The following DNASE1L3 variants were observed in gnomAD, a reference collection of about 807,000 sequenced individuals.
The protein encoded by DNASE1L3 is deoxyribonuclease 1L3.
Under a neutral mutation model 30.9 loss-of-function variants are expected in DNASE1L3, and 27 were observed. The observed-to-expected ratio is 0.87, with a 90% CI of 0.64 to 1.20. DNASE1L3 has a LOEUF of 1.20. DNASE1L3 is among the 50% of genes most tolerant of loss of function. DNASE1L3 has a pLI of 0.00. For missense variants in DNASE1L3, 364 were observed against 378.2 expected (o/e 0.96, Z 0.31); for synonymous variants, 135 against 138.0 (o/e 0.98, Z 0.15).
chr3:58,199,191 T>C (rs1317403621), intron 5 of DNASE1L3, among the ~76,000 whole-genome samples: 1 of 152,240 alleles, frequency 6.6e-6, no homozygotes, highest in Non-Finnish European at 1.5e-5. Context: ...CTTCTGCTAA[T>C]ATAGACATGA....
intron 1 of DNASE1L3, among the ~76,000 whole-genome samples, chr3:58,209,647 A>G (rs1878014): frequency 0.28 from 43,086 of 152,092 alleles, 6,694 homozygotes; most frequent in East Asian, 0.63. Flanking sequence ...CTGGCTCATG[A>G]ATACCCACCT....
At chr3:58,193,075 C>CTTT (rs11289117) in intron 7 of DNASE1L3, 336 of 1,272,602 alleles carry the variant, frequency 2.6e-4, no homozygotes, top group South Asian at 1.1e-3. Flanking sequence ...ATCAACCCAT[C>CTTT]TTTTTTTTTT....
At position 58,193,158 on chromosome 3, in the gene DNASE1L3, C is replaced by A. The variant is rs767406923; in HGVS notation, c.801+185G>T. The A allele has an allele frequency of 5.6e-6, 8 of 1,435,764 alleles. No homozygotes were observed. In the Middle Eastern group the frequency reaches 7.2e-4, roughly 129 times the overall value. The allele number at this position is 1,435,764 out of a possible 1,614,324, so 88.9% of individuals were successfully genotyped here. A position where few individuals can be genotyped will look rare whatever the true frequency, so the allele number is the denominator to read the frequency against. ...GTGGTGCGATCTTGGCTCACTGCAA[C>A]CTCCGCTTCCTGGACTCAAGTGATC... On this transcript the variant is annotated intron_variant, in intron 7 of 7. Coordinates refer to ENST00000394549, the MANE Select transcript of DNASE1L3 (RefSeq NM_004944.4).
intron 1 of DNASE1L3, among the ~76,000 whole-genome samples, chr3:58,210,230 AAAAGGAAGAAAGAAAAAG>A (rs1235478307): frequency 1.6e-4 from 20 of 128,202 alleles, no homozygotes; most frequent in South Asian, 5.0e-4. Flanking sequence ...GGAAGAAAGA[AAAAGGAAGAAAGAAAAAG>A]AAAGAAAGAA....
intron 4 of DNASE1L3, among the ~76,000 whole-genome samples, chr3:58,204,365 TC>T (rs1252553943): frequency 6.6e-6 from 1 of 152,086 alleles, no homozygotes; most frequent in Non-Finnish European, 1.5e-5. Context: ...GGTCTCAAGT[TC>T]CTGACCTCAG....
Position 58,200,955 on chromosome 3 carries a change from G to T in DNASE1L3, c.546+42C>A. On this transcript the variant is annotated intron_variant, in intron 5 of 7. Coordinates refer to ENST00000394549, the MANE Select transcript of DNASE1L3 (RefSeq NM_004944.4). This position sits in a 1 kb window ranked among gnomAD's most constrained non-coding sequence, Gnocchi z 4.2. Reference sequence around the variant, plus strand: ...TCATCCCACTCAGGGACCAGAGCCTGCCCCTGCTAGATGGGAATTCGTCTG... The same window carrying T: ...TCATCCCACTCAGGGACCAGAGCCTTCCCCTGCTAGATGGGAATTCGTCTG... The T allele has an allele frequency of 6.4e-7, 1 of 1,551,098 alleles. No individual in the cohort carries two copies. Among genetic ancestry groups the T allele is most frequent in the Non-Finnish European group, 8.9e-7 (1 of 1,128,902 alleles).
In DNASE1L3 at chr3:58,195,764, C is replaced by T. The variant is rs375891638; in HGVS notation, c.704+2057G>A. Among the ~76,000 whole-genome samples the T allele has an allele frequency of 1.5e-3, 229 of 151,504 alleles. 8 individuals are homozygous for T. The South Asian group carries it at 0.043, about 29-fold the overall frequency. ...TCCTGCCACTGCACTCCAGCCTGGG[C>T]GACAGAGCAGGACTCTGTCTCAAAA... On this transcript the variant is annotated intron_variant, in intron 6 of 7. Coordinates refer to ENST00000394549, the MANE Select transcript of DNASE1L3 (RefSeq NM_004944.4).
chr3:58,198,035 C>T (rs2097398464), intron 5 of DNASE1L3, 57 bp from the exon 6 acceptor site: 2 of 1,551,814 alleles, frequency 1.3e-6, no homozygotes, highest in Admixed American at 1.8e-5. Flanking sequence ...AATGCTTTCA[C>T]ACTGGACTCT....
intron 5 of DNASE1L3, 146 bp from the exon 6 acceptor site, chr3:58,198,124 C>G: frequency 1.1e-6 from 1 of 912,014 alleles, no homozygotes; most frequent in African/African-American, 1.7e-5. Flanking sequence ...CTGCTCCCGC[C>G]CCGGCCAAAT....
At chr3:58,210,264 GAAAGAAAGA>G (rs1435692424) in intron 1 of DNASE1L3, among the ~76,000 whole-genome samples, 2 of 151,312 alleles carry the variant, frequency 1.3e-5, no homozygotes, top group Admixed American at 6.6e-5. Flanking sequence ...AAGAAAGAGA[GAAAGAAAGA>G]AAAGAAAGAA....
rs2097399680 is a variant in DNASE1L3, at chr3:58,200,093, G to A, written c.546+904C>T. Among the ~76,000 whole-genome samples, 1 of 152,190 alleles carries A rather than the reference G, an allele frequency of 6.6e-6. No individual in the cohort carries two copies. Among genetic ancestry groups the A allele is most frequent in the African/African-American group, 2.4e-5 (1 of 41,446 alleles). On this transcript the variant is annotated intron_variant, in intron 5 of 7. Coordinates refer to ENST00000394549, the MANE Select transcript of DNASE1L3 (RefSeq NM_004944.4). This position sits in a 1 kb window ranked among gnomAD's most constrained non-coding sequence, Gnocchi z 4.2. ...CAGCCACAAGTGGTCTCTTCCAAAA[G>A]TGGAAAGAACTGAGCCTATAGGGAT...
At position 58,200,376 on chromosome 3, in the gene DNASE1L3, G is replaced by A. The variant is rs1423057222; in HGVS notation, c.546+621C>T. 1.3e-5 allele frequency among the ~76,000 whole-genome samples: 2 copies of A among 152,286 alleles called. No individual in the cohort carries two copies. The highest frequency in any genetic ancestry group is 1.9e-4 in the East Asian group (1 of 5,178). On this transcript the variant is annotated intron_variant, in intron 5 of 7. Coordinates refer to ENST00000394549, the MANE Select transcript of DNASE1L3 (RefSeq NM_004944.4). The surrounding 1 kb of genome is among the most constrained non-coding windows in gnomAD (Gnocchi z 4.2). ...ATTTATTTTGGTCTGGAGGCTGCTG[G>A]TGGCTGTCCTGCCATCCCAGGGATG...
At chr3:58,202,087 T>A (rs1335374694) in intron 4 of DNASE1L3, among the ~76,000 whole-genome samples, 2 of 152,110 alleles carry the variant, frequency 1.3e-5, no homozygotes, top group Non-Finnish European at 2.9e-5. Context: ...TTTCTTTTTT[T>A]AATTGACAGG....
chr3:58,198,045 T>C (rs908420671), intron 5 of DNASE1L3, 67 bp from the exon 6 acceptor site: 141 of 1,514,624 alleles, frequency 9.3e-5, no homozygotes, highest in Middle Eastern at 5.4e-4. Flanking sequence ...CACTGGACTC[T>C]AGCAAAGACT....
rs1456163008 is a variant in DNASE1L3, at chr3:58,210,792, T to G, written c.115A>C (p.Lys39Gln). The G allele has an allele frequency of 1.2e-6, 2 of 1,614,164 alleles. No individual in the cohort carries two copies. The highest frequency in any genetic ancestry group is 1.7e-6 in the Non-Finnish European group (2 of 1,180,020). Residue 39 changes from lysine (K) to glutamine (Q), a missense_variant, in exon 1 of 8, where the codon AAG becomes CAG. By Grantham distance (53) the Lys-to-Gln change is moderately conservative. Coordinates refer to ENST00000394549, the MANE Select transcript of DNASE1L3 (RefSeq NM_004944.4). ...TTCACAATGACATCCATGGCATTCT[T>G]GTCTTCCTGCTTGCTTTCCCCAAAG... ...RSFGESKQED[K>Q]NAMDVIVKVI...
Position 58,200,644 on chromosome 3 carries a change from A to C in DNASE1L3, c.546+353T>G, listed in dbSNP as rs2097400022. ...TATGCCTTACACTTCTCAATTGCAA[A>C]GTGGGAATGAGAAAGGTACTGTAGC... On this transcript the variant is annotated intron_variant, in intron 5 of 7. Transcript: ENST00000394549. The surrounding 1 kb of genome is among the most constrained non-coding windows in gnomAD (Gnocchi z 4.2). 1.3e-5 allele frequency among the ~76,000 whole-genome samples: 2 copies of C among 152,192 alleles called. No homozygotes were observed. The highest frequency in any genetic ancestry group is 4.8e-5 in the African/African-American group (2 of 41,450).
intron 2 of DNASE1L3, 152 bp from the exon 3 acceptor site, chr3:58,205,712 A>G: frequency 1.6e-6 from 1 of 644,838 alleles, no homozygotes; most frequent in Non-Finnish European, 2.7e-6. Flanking sequence ...GAGAGGAGCC[A>G]CCATTGATTG....
At chr3:58,207,444 C>T (rs369905752) in intron 2 of DNASE1L3, among the ~76,000 whole-genome samples, 2 of 30,002 alleles carry the variant, frequency 6.7e-5, no homozygotes, top group Admixed American at 6.7e-4. Flanking sequence ...TGATCACACC[C>T]CCCCCCCCCC....
chr3:58,199,275 T>C (rs1464660676), intron 5 of DNASE1L3, among the ~76,000 whole-genome samples: 2 of 152,126 alleles, frequency 1.3e-5, no homozygotes, highest in Non-Finnish European at 2.9e-5. Context: ...CAATAAACAA[T>C]AGGAGGTACA....
Sources: gnomAD v4.1 joint callset for allele counts (sites outside exome capture counted in the v4.1 genomes callset) on GRCh38, gnomAD v4.1.1 for gene constraint, Gnocchi (gnomAD v3.1) non-coding constraint, MANE v1.5 for transcripts, NCBI Gene and HGNC (gene_info 2026-07-23, HGNC 2026-07-21) for gene names.